PPP1R42: variants seen among roughly 807,000 people sequenced by gnomAD.
PPP1R42 encodes the protein leucine rich repeat containing 67.
Under a neutral mutation model 31.0 loss-of-function variants are expected in PPP1R42, and 34 were observed. The ratio of observed to expected loss-of-function variants is 1.10; its 90% CI spans 0.83 to 1.46. The LOEUF is 1.46. PPP1R42 is among the 40% of genes most tolerant of loss of function. The pLI is 0.00. For synonymous variants in PPP1R42, 103 were observed against 109.8 expected (o/e 0.94, Z 0.39); for missense variants, 268 against 303.0 (o/e 0.88, Z 0.86).
intron 7 of PPP1R42, among the ~76,000 whole-genome samples, chr8:66,974,844 A>G (rs1394424315): frequency 6.6e-6 from 1 of 152,116 alleles, no homozygotes; most frequent in African/African-American, 2.4e-5. Context: ...CCATTTCTCT[A>G]TATGCCTGTC....
At chr8:67,005,827 T>C (rs546920483) in intron 5 of PPP1R42, among the ~76,000 whole-genome samples, 1 of 152,286 alleles carries the variant, frequency 6.6e-6, no homozygotes, top group East Asian at 1.9e-4. Flanking sequence ...ATTCTTCATA[T>C]AGCAATAGAG....
At chr8:67,027,857 C>T (rs1390010865) in intron 1 of PPP1R42, among the ~76,000 whole-genome samples, 3 of 152,102 alleles carry the variant, frequency 2.0e-5, no homozygotes, top group Non-Finnish European at 2.9e-5. Context: ...CTAGATCTCT[C>T]TCTCCCAGGC....
intron 5 of PPP1R42, among the ~76,000 whole-genome samples, chr8:66,988,780 C>G (rs1005180625): frequency 6.6e-6 from 1 of 152,158 alleles, no homozygotes; most frequent in Non-Finnish European, 1.5e-5. Flanking sequence ...AAATGGCCCC[C>G]ACTGCAGCTC....
intron 7 of PPP1R42, among the ~76,000 whole-genome samples, chr8:66,972,159 G>T (rs952314703): frequency 4.6e-5 from 7 of 152,268 alleles, no homozygotes; most frequent in African/African-American, 1.7e-4. Context: ...TATACAAAAG[G>T]ATAGAGTTAT....
At chr8:67,023,297 G>A (rs1434543231) in intron 1 of PPP1R42, among the ~76,000 whole-genome samples, 1 of 151,992 alleles carries the variant, frequency 6.6e-6, no homozygotes, top group South Asian at 2.1e-4. Context: ...TTTTAGTAGA[G>A]ATGGGGTTTT....
intron 7 of PPP1R42, among the ~76,000 whole-genome samples, chr8:66,973,378 A>C (rs927060664): frequency 6.6e-6 from 1 of 151,726 alleles, no homozygotes; most frequent in Non-Finnish European, 1.5e-5. Context: ...ATCTCGGCTC[A>C]CTGCAGCCTC....
At chr8:66,979,065 C>A (rs2130920862) in intron 7 of PPP1R42, among the ~76,000 whole-genome samples, 2 of 152,206 alleles carry the variant, frequency 1.3e-5, no homozygotes, top group Admixed American at 1.3e-4. Context: ...TTGACATAAT[C>A]CCACTTGTTT....
chr8:66,974,916 A>G (rs576449920), intron 7 of PPP1R42, among the ~76,000 whole-genome samples: 38 of 152,324 alleles, frequency 2.5e-4, no homozygotes, highest in African/African-American at 8.2e-4. Flanking sequence ...AAGTTAAGAA[A>G]TGTGGTGCCT....
Position 67,026,020 on chromosome 8 carries a change from G to GA in PPP1R42, c.-85+2470dup, listed in dbSNP as rs1461248546. On this transcript the variant is annotated intron_variant, in intron 1 of 7. Transcript: ENST00000685739. ...ACTCCGTCTCAAAAAAAAAAAAAAA[G>GA]AAAAAATAAGAGCATAGTAAATTGT... is the stretch of plus-strand genomic sequence containing the variant. 2.1e-5 allele frequency among the ~76,000 whole-genome samples: 3 copies of GA among 140,648 alleles called. No homozygotes were observed. The South Asian group carries it at 6.9e-4, about 32-fold the overall frequency. The allele number at this position is 140,648 out of a possible 152,430, so 92.3% of individuals were successfully genotyped here.
chr8:66,984,376 T>G, intron 6 of PPP1R42: 2 of 1,309,008 alleles, frequency 1.5e-6, no homozygotes, highest in Non-Finnish European at 2.2e-6. Flanking sequence ...TTCATCCCAC[T>G]TTATCCGATG....
intron 6 of PPP1R42, chr8:66,988,178 G>C (rs1815083117): frequency 1.7e-6 from 2 of 1,159,028 alleles, no homozygotes; most frequent in Non-Finnish European, 1.1e-6. Flanking sequence ...TCCTCCTTAA[G>C]GAATAAGTAT....
chr8:66,976,925 G>A (rs190183511), intron 7 of PPP1R42, among the ~76,000 whole-genome samples: 1 of 152,180 alleles, frequency 6.6e-6, no homozygotes, highest in African/African-American at 2.4e-5. Context: ...ATGGTCAGTA[G>A]TGGGATTGCT....
intron 6 of PPP1R42, chr8:66,984,832 C>G (rs1051636998): frequency 3.1e-6 from 5 of 1,598,112 alleles, no homozygotes; most frequent in South Asian, 1.1e-5. Context: ...CAGGCCCAGC[C>G]TGACTTTTTC....
chr8:67,005,266 C>T lies in PPP1R42; in HGVS notation c.552+5449G>A, dbSNP rs1178412963. ...AACTCTCCTCTGCCCTCATGTTAACCATTCAATATCATTCAGTGCAGGTGG... is the reference window on the plus strand; with the variant it reads ...AACTCTCCTCTGCCCTCATGTTAACTATTCAATATCATTCAGTGCAGGTGG... On this transcript the variant is annotated intron_variant, in intron 5 of 7. Coordinates refer to ENST00000685739, the MANE Select transcript of PPP1R42 (RefSeq NM_001364910.1). 6.6e-5 allele frequency among the ~76,000 whole-genome samples: 10 copies of T among 152,148 alleles called. No individual in the cohort carries two copies. In the East Asian group the frequency reaches 1.9e-3, roughly 29 times the overall value.
intron 4 of PPP1R42, among the ~76,000 whole-genome samples, chr8:67,011,329 C>T (rs2129536870): frequency 6.6e-6 from 1 of 152,260 alleles, no homozygotes; most frequent in Non-Finnish European, 1.5e-5. Flanking sequence ...AGTTCAAGAC[C>T]AGCCTGGCCA....
At chr8:67,027,024 C>T (rs1816424597) in intron 1 of PPP1R42, 1 of 151,704 alleles carries the variant, frequency 6.6e-6, no homozygotes, top group African/African-American at 2.4e-5. Flanking sequence ...CCTCAGTCTC[C>T]CGAGCAGCTG....
chr8:67,011,021 G>A (rs1815828488), intron 4 of PPP1R42, among the ~76,000 whole-genome samples, 190 bp from the exon 5 acceptor site: 1 of 151,508 alleles, frequency 6.6e-6, no homozygotes, highest in African/African-American at 2.4e-5. Flanking sequence ...TAGAACCACA[G>A]TATGTCATAT....
chr8:67,023,683 T>A (rs1816292511), intron 1 of PPP1R42, among the ~76,000 whole-genome samples: 1 of 152,124 alleles, frequency 6.6e-6, no homozygotes, highest in African/African-American at 2.4e-5. Flanking sequence ...ATTGTGTTAT[T>A]GCACTGGCTA....
chr8:67,027,995 G>T (rs1816453658), intron 1 of PPP1R42, among the ~76,000 whole-genome samples: 2 of 152,012 alleles, frequency 1.3e-5, no homozygotes, highest in African/African-American at 4.8e-5. Flanking sequence ...TTCGGTTTGG[G>T]GGGTACATGT....
Sources: allele counts gnomAD v4.1 joint callset (sites outside exome capture counted in the v4.1 genomes callset), GRCh38; gene constraint gnomAD v4.1.1; transcripts MANE v1.5; gene names NCBI Gene and HGNC (gene_info 2026-07-23, HGNC 2026-07-21).